C12orf42: variants seen among roughly 807,000 people sequenced by gnomAD.
C12orf42 encodes chromosome 12 open reading frame 42.
In C12orf42, 25 loss-of-function variants were observed where a neutral mutation model predicts 21.6. The ratio of observed to expected loss-of-function variants is 1.16; its 90% confidence interval spans 0.84 to 1.62. The LOEUF is 1.62. Ranked by LOEUF, C12orf42 falls within the 40% of genes most tolerant of loss-of-function variation. The probability of loss-of-function intolerance (pLI) is 0.00; values close to 1 mark genes in which losing one functional copy is unlikely to be tolerated. For synonymous variants in C12orf42, 174 were observed against 175.0 expected (o/e 0.99, Z 0.05); for missense variants, 483 against 459.3 (o/e 1.05, Z -0.47).
At chr12:103,142,593 A>G in the C12orf42 span, among the ~76,000 whole-genome samples, 1 of 152,218 alleles carries the variant, frequency 6.6e-6, no homozygotes, top group Non-Finnish European at 1.5e-5. Flanking sequence ...AAAGAGAGTG[A>G]CAGCTTCATT....
At chr12:103,419,983 A>G (rs1413732860) in intron 2 of C12orf42, among the ~76,000 whole-genome samples, 1 of 152,230 alleles carries the variant, frequency 6.6e-6, no homozygotes, top group African/African-American at 2.4e-5. Context: ...GTTGTTTTGC[A>G]TAAACAATTA....
chr12:103,421,073 T>G (rs1246649009), intron 2 of C12orf42, among the ~76,000 whole-genome samples: 3 of 152,090 alleles, frequency 2.0e-5, no homozygotes, highest in Non-Finnish European at 4.4e-5. Context: ...GAGAAGATTG[T>G]GTGGTTGGGA....
chr12:103,337,218 A>T (rs1427064108), intron 4 of C12orf42, among the ~76,000 whole-genome samples: 1 of 152,218 alleles, frequency 6.6e-6, no homozygotes, highest in African/African-American at 2.4e-5. Flanking sequence ...CTCATGTGCT[A>T]TCTGCCCCTT....
chr12:103,319,806 T>C (rs2039908216), intron 4 of C12orf42, among the ~76,000 whole-genome samples: 2 of 152,244 alleles, frequency 1.3e-5, no homozygotes, highest in African/African-American at 2.4e-5. Context: ...GGTTTTCTCC[T>C]TCGCACAGCA....
At chr12:103,156,680 G>C in the C12orf42 span, among the ~76,000 whole-genome samples, 2 of 152,066 alleles carry the variant, frequency 1.3e-5, no homozygotes, top group Admixed American at 1.3e-4. Context: ...CTGTGTCCAT[G>C]TGTTCTCATT....
At chr12:103,507,982 G>A in the C12orf42 span, among the ~76,000 whole-genome samples, 1 of 152,112 alleles carries the variant, frequency 6.6e-6, no homozygotes, top group Non-Finnish European at 1.5e-5. Context: ...AGAGGGCTGG[G>A]CATTGGATGC....
chr12:103,105,458 A>G, the C12orf42 span, among the ~76,000 whole-genome samples: 1 of 152,288 alleles, frequency 6.6e-6, no homozygotes, highest in South Asian at 2.1e-4. Context: ...TTGAGCACAC[A>G]TGAACATAAA....
chr12:103,402,351 T>C (rs891232055), intron 2 of C12orf42, among the ~76,000 whole-genome samples: 6 of 152,226 alleles, frequency 3.9e-5, no homozygotes, highest in African/African-American at 1.2e-4. Flanking sequence ...CAATTTTACT[T>C]AAAATATCAA....
At chr12:103,057,963 T>C in the C12orf42 span, among the ~76,000 whole-genome samples, 1 of 142,320 alleles carries the variant, frequency 7.0e-6, no homozygotes, top group Non-Finnish European at 1.5e-5. Flanking sequence ...ATAATGAGCT[T>C]TTTTTTTTTT....
chr12:103,507,248 AAT>A, the C12orf42 span, among the ~76,000 whole-genome samples: 4 of 53,600 alleles, frequency 7.5e-5, no homozygotes, highest in African/African-American at 1.2e-4. Flanking sequence ...TATTATATAT[AAT>A]ATATAAATAT....
the C12orf42 span, among the ~76,000 whole-genome samples, chr12:103,118,991 C>T: frequency 6.6e-5 from 10 of 152,088 alleles, no homozygotes; most frequent in African/African-American, 2.4e-4. Flanking sequence ...TTAATCTCCT[C>T]TCCTACGGTA....
the C12orf42 span, among the ~76,000 whole-genome samples, chr12:103,101,407 T>C: frequency 3.9e-5 from 6 of 152,254 alleles, no homozygotes; most frequent in African/African-American, 7.2e-5. Flanking sequence ...GTTCATCTCA[T>C]GATAGTTTTT....
intron 2 of C12orf42, among the ~76,000 whole-genome samples, chr12:103,420,194 T>G (rs1346147719): frequency 1.3e-5 from 2 of 152,236 alleles, no homozygotes; most frequent in African/African-American, 4.8e-5. Context: ...ATTTTCTAAT[T>G]GCTACAGCTT....
At chr12:103,053,547 T>A in the C12orf42 span, among the ~76,000 whole-genome samples, 1 of 151,974 alleles carries the variant, frequency 6.6e-6, no homozygotes. Flanking sequence ...TGGTCTGTAG[T>A]TTAAGTTTTA....
At chr12:103,349,685 G>A (rs1189069086) in intron 4 of C12orf42, among the ~76,000 whole-genome samples, 1 of 151,980 alleles carries the variant, frequency 6.6e-6, no homozygotes, top group African/African-American at 2.4e-5. Context: ...TTCTTTTTAT[G>A]CAATTTCAAA....
At chr12:103,183,245 C>T in the C12orf42 span, among the ~76,000 whole-genome samples, 2 of 152,190 alleles carry the variant, frequency 1.3e-5, no homozygotes, top group Non-Finnish European at 2.9e-5. Context: ...CCATGTCCAG[C>T]TAATTTTTGT....
chr12:103,393,147 G>T (rs758679358), intron 3 of C12orf42, among the ~76,000 whole-genome samples: 3 of 152,150 alleles, frequency 2.0e-5, no homozygotes, highest in Non-Finnish European at 4.4e-5. Flanking sequence ...AAATACCTGA[G>T]ACCGGGTAAT....
chr12:103,486,856 T>A (rs570483170), intron 1 of C12orf42, among the ~76,000 whole-genome samples: 112 of 152,348 alleles, frequency 7.4e-4, no homozygotes, highest in African/African-American at 2.5e-3. Context: ...TCTCTTTTCT[T>A]ATTAGTCTTG....
At chr12:103,138,874 C>G in the C12orf42 span, among the ~76,000 whole-genome samples, 1 of 152,154 alleles carries the variant, frequency 6.6e-6, no homozygotes, top group African/African-American at 2.4e-5. Context: ...ATCTCAAAAT[C>G]AAACTTCTCT....
Sources: gnomAD v4.1 joint callset for allele counts (sites outside exome capture counted in the v4.1 genomes callset) on GRCh38, gnomAD v4.1.1 for gene constraint, MANE v1.5 for transcripts, NCBI Gene and HGNC (gene_info 2026-07-23, HGNC 2026-07-21) for gene names.